SORBS2: variants seen among roughly 807,000 people sequenced by gnomAD.
The protein encoded by SORBS2 is sorbin and SH3 domain-containing protein 2.
SORBS2 carries 46 observed loss-of-function variants against 97.7 expected under a neutral mutation model. That is an observed-to-expected ratio of 0.47 (90% CI 0.37 to 0.60). The LOEUF (loss-of-function observed/expected upper bound fraction) is 0.60. Among genes scored for constraint, SORBS2 ranks in the 20% least tolerant of loss-of-function variants. The pLI, the probability that SORBS2 is intolerant of heterozygous loss-of-function variation, is 0.00. For synonymous variants in SORBS2, 476 were observed against 473.4 expected (o/e 1.01, Z -0.07); for missense variants, 1,316 against 1,282.3 (o/e 1.03, Z -0.40).
intron 1 of SORBS2, among the ~76,000 whole-genome samples, chr4:185,913,974 G>T (rs4862592): frequency 0.61 from 92,182 of 151,966 alleles, 28,117 homozygotes; most frequent in East Asian, 0.73. Context: ...ACACCTTTCT[G>T]AAGGGTTTCA....
intron 4 of SORBS2, chr4:185,676,974 A>G: frequency 1.3e-6 from 2 of 1,545,116 alleles, no homozygotes; most frequent in Middle Eastern, 2.2e-4. Context: ...ATTAATACGA[A>G]GAGACTGAGA....
intron 2 of SORBS2, among the ~76,000 whole-genome samples, chr4:185,746,497 A>G (rs1443951422): frequency 6.6e-6 from 1 of 152,022 alleles, no homozygotes; most frequent in African/African-American, 2.4e-5. Flanking sequence ...TTGTATTTTT[A>G]GTAGAGACAG....
intron 1 of SORBS2, among the ~76,000 whole-genome samples, chr4:185,782,955 T>G (rs2099038275): frequency 6.6e-6 from 1 of 152,246 alleles, no homozygotes; most frequent in African/African-American, 2.4e-5. Flanking sequence ...TTTACACATG[T>G]GTAAAACACT....
intron 4 of SORBS2, among the ~76,000 whole-genome samples, chr4:185,669,570 G>C (rs1040720525): frequency 6.6e-6 from 1 of 152,120 alleles, no homozygotes; most frequent in Admixed American, 6.5e-5. Context: ...CCTCAGGAGA[G>C]GAGGGGAAAG....
chr4:185,662,176 A>C, exon 5 of SORBS2: 1 of 1,614,054 alleles, frequency 6.2e-7, no homozygotes, highest in Non-Finnish European at 8.5e-7. Flanking sequence ...GAGGGGGAAA[A>C]CGGCCTCTGA....
chr4:185,828,155 A>G (rs565095031), intron 1 of SORBS2, among the ~76,000 whole-genome samples: 8 of 152,312 alleles, frequency 5.3e-5, no homozygotes, highest in Non-Finnish European at 1.2e-4. Context: ...AGGGAGCAGG[A>G]GAGGAAAAAT....
chr4:185,662,292 A>G, intron 4 of SORBS2, 50 bp from the exon 8 acceptor site: 1 of 1,538,006 alleles, frequency 6.5e-7, no homozygotes, highest in Non-Finnish European at 8.8e-7. Context: ...AGTTCCCTGT[A>G]AACATCATTC....
At chr4:185,625,705 G>A (rs1274792662) in intron 6 of SORBS2, among the ~76,000 whole-genome samples, 1 of 152,198 alleles carries the variant, frequency 6.6e-6, no homozygotes, top group African/African-American at 2.4e-5. Context: ...CTCCTCAGAG[G>A]AAAGATGTGA....
chr4:185,803,456 C>T (rs2099139980), intron 1 of SORBS2, among the ~76,000 whole-genome samples: 1 of 152,152 alleles, frequency 6.6e-6, no homozygotes, highest in Admixed American at 6.5e-5. Context: ...TACCAGATAA[C>T]CGTCAATATA....
chr4:185,886,554 C>CAAAAAAAAA (rs1198439527), intron 1 of SORBS2, among the ~76,000 whole-genome samples: 4 of 72,890 alleles, frequency 5.5e-5, no homozygotes, highest in Non-Finnish European at 7.8e-5. Context: ...GACTCTGTCT[C>CAAAAAAAAA]AAAAAAAAAA....
At chr4:185,683,075 G>A (rs927851508) in intron 2 of SORBS2, among the ~76,000 whole-genome samples, 3 of 151,182 alleles carry the variant, frequency 2.0e-5, no homozygotes, top group African/African-American at 7.3e-5. Context: ...ACGTCTAATT[G>A]ACACAAAAGA....
At chr4:185,726,307 G>A (rs982053689) in intron 2 of SORBS2, among the ~76,000 whole-genome samples, 6 of 152,088 alleles carry the variant, frequency 3.9e-5, no homozygotes, top group Non-Finnish European at 7.4e-5. Context: ...ACTTCATCTT[G>A]TCTTACTTTA....
At chr4:185,664,172 G>A (rs1471211588) in intron 4 of SORBS2, among the ~76,000 whole-genome samples, 1 of 152,024 alleles carries the variant, frequency 6.6e-6, no homozygotes, top group Non-Finnish European at 1.5e-5. Context: ...TTCTTTTATT[G>A]TGTTCAACCA....
intron 4 of SORBS2, among the ~76,000 whole-genome samples, chr4:185,662,898 T>C (rs62336099): frequency 0.13 from 19,417 of 152,284 alleles, 1,337 homozygotes; most frequent in East Asian, 0.19. Context: ...TTATTCATTG[T>C]TTCGATTGTT....
chr4:185,768,720 C>CA (rs796182865), intron 2 of SORBS2, among the ~76,000 whole-genome samples: 30 of 93,670 alleles, frequency 3.2e-4, no homozygotes, highest in Admixed American at 8.0e-4. Flanking sequence ...AACAAAAAAA[C>CA]AAAAAAAAAT....
intron 1 of SORBS2, among the ~76,000 whole-genome samples, chr4:185,937,231 T>C (rs948788716): frequency 1.3e-5 from 2 of 152,222 alleles, no homozygotes; most frequent in Non-Finnish European, 2.9e-5. Context: ...GCATGTTTCC[T>C]ACGCTTTGAG....
At position 185,764,406 on chromosome 4, in the gene SORBS2, C is replaced by A. The variant is rs2098922306; in HGVS notation, c.-198+10821G>T. Among the ~76,000 whole-genome samples the A allele has an allele frequency of 2.0e-5, 3 of 152,106 alleles. No homozygotes were observed. In the South Asian group the frequency reaches 6.2e-4, roughly 31 times the overall value. On this transcript the variant is annotated intron_variant, in intron 2 of 20. Coordinates refer to the SORBS2 transcript ENST00000284776. ...TAAAGAGTAAATATCAGATTTATAA[C>A]AATGCCATACAAAAAGATACACACT...
At chr4:185,690,939 G>A (rs774861942) in intron 2 of SORBS2, among the ~76,000 whole-genome samples, 6 of 150,304 alleles carry the variant, frequency 4.0e-5, no homozygotes, top group South Asian at 2.1e-4. Flanking sequence ...CGCCACTGTC[G>A]CCCAGGCCAC....
Position 185,634,892 on chromosome 4 carries a change from C to T in SORBS2, c.397-4294G>A, listed in dbSNP as rs189075129. On this transcript the variant is annotated intron_variant, in intron 4 of 14. Transcript: ENST00000418609. ...CCTATTCTTGACTGATAATACAATCCGTAAGTTGTATTTAGGAAAATGAAA... is the reference window on the plus strand; with the variant it reads ...CCTATTCTTGACTGATAATACAATCTGTAAGTTGTATTTAGGAAAATGAAA... Among the ~76,000 whole-genome samples, 953 of 151,848 alleles carry T rather than the reference C, an allele frequency of 6.3e-3. 8 individuals are homozygous for T. The highest frequency in any genetic ancestry group is 0.021 in the African/African-American group (854 of 41,396).
Sources: allele counts gnomAD v4.1 joint callset (sites outside exome capture counted in the v4.1 genomes callset), GRCh38; gene constraint gnomAD v4.1.1; transcripts MANE v1.5; gene names NCBI Gene and HGNC (gene_info 2026-07-23, HGNC 2026-07-21).